The following NDC80 variants were observed in gnomAD, a reference collection of about 807,000 sequenced individuals.
NDC80 encodes the protein kinetochore protein NDC80 homolog.
Under a neutral mutation model 89.3 loss-of-function variants are expected in NDC80, and 69 were observed. That is an observed-to-expected ratio of 0.77 (90% CI 0.64 to 0.94). The LOEUF is 0.94. Ranked by LOEUF, NDC80 falls within the 40% of genes least tolerant of loss-of-function variation. NDC80 has a pLI of 0.00. For synonymous variants in NDC80, 243 were observed against 255.6 expected, an observed-to-expected ratio of 0.95 and a Z score of 0.47; for missense variants, 593 against 739.6, an observed-to-expected ratio of 0.80 and a Z score of 2.30.
intron 6 of NDC80, among the ~76,000 whole-genome samples, chr18:2,580,734 T>C (rs2072573209): frequency 1.2e-5 from 1 of 84,570 alleles, no homozygotes; most frequent in South Asian, 4.0e-4. Flanking sequence ...CCATCAGATT[T>C]TTTTTTTTTT....
At chr18:2,580,844 C>G (rs935352196) in intron 6 of NDC80, among the ~76,000 whole-genome samples, 2 of 144,172 alleles carry the variant, frequency 1.4e-5, no homozygotes, top group African/African-American at 5.1e-5. Flanking sequence ...CAGGTTCAAA[C>G]AGTTCTCTGC....
At chr18:2,608,600 C>G in intron 14 of NDC80, 100 bp from the exon 15 acceptor site, 1 of 1,273,382 alleles carries the variant, frequency 7.9e-7, no homozygotes, top group Non-Finnish European at 1.1e-6. Context: ...ATGATGCAAC[C>G]TGATTTTATT....
chr18:2,589,745 C>T (rs1429942211), intron 9 of NDC80, among the ~76,000 whole-genome samples: 1 of 136,000 alleles, frequency 7.4e-6, no homozygotes, highest in Non-Finnish European at 1.5e-5. Context: ...ACTTTATTTT[C>T]TGCATTATTA....
chr18:2,585,450 C>T (rs2072598968), intron 7 of NDC80, among the ~76,000 whole-genome samples: 1 of 152,082 alleles, frequency 6.6e-6, no homozygotes, highest in African/African-American at 2.4e-5. Context: ...TAACACAAAG[C>T]GTATTTTATA....
In NDC80 at chr18:2,590,067, T is replaced by C; in HGVS notation, c.920T>C (p.Val307Ala). Residue 307 changes from valine (V) to alanine (A), a missense_variant, in exon 10 of 17, where the codon GTT (valine) becomes GCT (alanine). Val to Ala is a moderately conservative substitution (Grantham distance 64). Transcript: ENST00000261597. Reference sequence around the variant, plus strand: ...CTGAAGGCTTCCTTACAAGGAGATGTTCAAAAGTATCAGGCATACATGAGC... The same window carrying C: ...CTGAAGGCTTCCTTACAAGGAGATGCTCAAAAGTATCAGGCATACATGAGC... ...RKLKASLQGD[V>A]QKYQAYMSNL... The C allele has an allele frequency of 6.2e-7, 1 of 1,611,302 alleles. No individual in the cohort carries two copies. Among genetic ancestry groups the C allele is most frequent in the Non-Finnish European group, 8.5e-7 (1 of 1,178,684 alleles).
intron 1 of NDC80, 40 bp from the exon 2 acceptor site, chr18:2,572,937 T>C: frequency 6.6e-7 from 1 of 1,516,502 alleles, no homozygotes; most frequent in Non-Finnish European, 9.1e-7. Flanking sequence ...ACCATCTCTG[T>C]CTGGAAAGTT....
intron 10 of NDC80, 66 bp downstream of exon 10, chr18:2,590,228 A>G: frequency 7.0e-7 from 1 of 1,418,596 alleles, no homozygotes; most frequent in Non-Finnish European, 9.4e-7. Context: ...ATGTAAAAAC[A>G]GCTTTGTTAT....
intron 10 of NDC80, among the ~76,000 whole-genome samples, chr18:2,590,571 T>A (rs375811335): frequency 6.6e-6 from 1 of 152,354 alleles, no homozygotes; most frequent in African/African-American, 2.4e-5. Flanking sequence ...AATATCTCCC[T>A]CTGCCTCTAT....
At chr18:2,572,549 A>AACATTTTG (rs1387533711) in intron 1 of NDC80, among the ~76,000 whole-genome samples, 18 of 152,208 alleles carry the variant, frequency 1.2e-4, no homozygotes, top group Non-Finnish European at 2.1e-4. Flanking sequence ...AAGAAAAGGA[A>AACATTTTG]ACATTTTGAG....
At chr18:2,608,557 G>T in intron 14 of NDC80, 143 bp from the exon 15 acceptor site, 2 of 849,682 alleles carry the variant, frequency 2.4e-6, no homozygotes, top group South Asian at 2.5e-5. Context: ...AAAGTCTCTT[G>T]CATGTAAAAC....
At chr18:2,590,396 C>T (rs570783369) in intron 10 of NDC80, among the ~76,000 whole-genome samples, 2 of 152,300 alleles carry the variant, frequency 1.3e-5, no homozygotes, top group South Asian at 4.2e-4. Context: ...AGAGGCTGTT[C>T]CAGCAGATCT....
chr18:2,580,415 T>C (rs2072570592), intron 6 of NDC80, among the ~76,000 whole-genome samples: 1 of 152,080 alleles, frequency 6.6e-6, no homozygotes, highest in Non-Finnish European at 1.5e-5. Context: ...GTCTCTCCTT[T>C]TGTAGCTTCT....
At chr18:2,602,112 G>T (rs1478599710) in intron 13 of NDC80, among the ~76,000 whole-genome samples, 4 of 152,114 alleles carry the variant, frequency 2.6e-5, no homozygotes, top group Non-Finnish European at 4.4e-5. Context: ...ACACCAAGCA[G>T]TTAAAGGAAA....
chr18:2,593,353 T>G (rs1275417653), intron 10 of NDC80, among the ~76,000 whole-genome samples: 1 of 152,210 alleles, frequency 6.6e-6, no homozygotes, highest in Non-Finnish European at 1.5e-5. Context: ...TAAATTATAT[T>G]CTTATGCAGG....
intron 15 of NDC80, among the ~76,000 whole-genome samples, chr18:2,610,558 C>T (rs2072737467): frequency 6.6e-6 from 1 of 152,176 alleles, no homozygotes; most frequent in Non-Finnish European, 1.5e-5. Context: ...TGTTTTGTTG[C>T]TTGCAAAGGA....
chr18:2,615,965 A>G (rs547470323), intron 16 of NDC80, among the ~76,000 whole-genome samples: 108 of 152,326 alleles, frequency 7.1e-4, no homozygotes, highest in African/African-American at 2.5e-3. Flanking sequence ...GGGGAGAAAA[A>G]AGAAGATACA....
At chr18:2,580,338 T>C (rs72857091) in intron 6 of NDC80, among the ~76,000 whole-genome samples, 28,518 of 150,020 alleles carry the variant, frequency 0.19, 3,058 homozygotes, top group Non-Finnish European at 0.24. Context: ...CTCTCTCTCT[T>C]TTTTTTTTTA....
At chr18:2,583,038 C>T (rs79073957) in intron 6 of NDC80, among the ~76,000 whole-genome samples, 13,757 of 152,114 alleles carry the variant, frequency 0.09, 776 homozygotes, top group Admixed American at 0.17. Flanking sequence ...CTGACTTATC[C>T]CAGATCCCTC....
intron 2 of NDC80, 130 bp from the exon 3 acceptor site, chr18:2,574,859 A>C: frequency 6.2e-6 from 4 of 643,046 alleles, no homozygotes; most frequent in Non-Finnish European, 1.1e-5. Context: ...TGACTGCTAA[A>C]CATTTTTATG....
Sources: gnomAD v4.1 joint callset for allele counts (sites outside exome capture counted in the v4.1 genomes callset) on GRCh38, gnomAD v4.1.1 for gene constraint, MANE v1.5 for transcripts, NCBI Gene and HGNC (gene_info 2026-07-23, HGNC 2026-07-21) for gene names.